ZNF451: variants seen among roughly 807,000 people sequenced by gnomAD.
ZNF451 encodes E3 SUMO-protein ligase ZNF451.
In ZNF451, 80 loss-of-function variants were observed where a neutral mutation model predicts 107.1. The observed-to-expected ratio is 0.75, with a 90% CI of 0.62 to 0.90. ZNF451 has a LOEUF of 0.90. Ranked by LOEUF, ZNF451 falls within the 40% of genes least tolerant of loss-of-function variation. ZNF451 has a pLI of 0.00. For synonymous variants in ZNF451, 362 were observed against 406.5 expected, an observed-to-expected ratio of 0.89 and a Z score of 1.32; for missense variants, 1,107 against 1,236.2, an observed-to-expected ratio of 0.90 and a Z score of 1.57.
rs142566861 is a variant in ZNF451, at chr6:57,099,481, A to G, written c.186+340A>G. The G allele has an allele frequency of 3.5e-3, 2,509 of 717,032 alleles. 62 individuals are homozygous for G. The Admixed American group carries it at 0.036, about 10-fold the overall frequency. 44.4% of individuals were successfully genotyped at this position (717,032 alleles called of 1,614,324 possible). A position where few individuals can be genotyped will look rare whatever the true frequency, so the allele number is the denominator to read the frequency against. On this transcript the variant is annotated intron_variant, in intron 3 of 14. Coordinates refer to ENST00000370706, the MANE Select transcript of ZNF451 (RefSeq NM_001031623.3). Reference sequence around the variant, plus strand: ...TTACTCTCCTCAGGTGCCCTATACAACAGGATTCTTTTGTTCCAGAACCAC... The same window carrying G: ...TTACTCTCCTCAGGTGCCCTATACAGCAGGATTCTTTTGTTCCAGAACCAC...
intron 3 of ZNF451, among the ~76,000 whole-genome samples, chr6:57,114,303 A>G (rs1830260940): frequency 6.6e-6 from 1 of 152,206 alleles, no homozygotes; most frequent in Non-Finnish European, 1.5e-5. Flanking sequence ...TTCAACTTTT[A>G]ATTTGACTAA....
intron 5 of ZNF451, among the ~76,000 whole-genome samples, chr6:57,129,467 A>G (rs1342003958): frequency 2.0e-5 from 3 of 152,180 alleles, no homozygotes; most frequent in African/African-American, 7.2e-5. Context: ...CTGAGCCTTT[A>G]AAGAGTTAGG....
chr6:57,108,677 T>G (rs1829981889), intron 3 of ZNF451: 2 of 985,312 alleles, frequency 2.0e-6, no homozygotes, highest in Admixed American at 6.1e-5. Context: ...TGGAACAGCT[T>G]CTATATATTC....
chr6:57,115,336 A>G (rs908371347), intron 3 of ZNF451: 1 of 152,206 alleles, frequency 6.6e-6, no homozygotes, highest in Non-Finnish European at 1.5e-5. Flanking sequence ...TAAGTTTAAC[A>G]TTATCATTTC....
intron 3 of ZNF451, chr6:57,101,566 A>G (rs1444280051): frequency 6.4e-7 from 1 of 1,550,828 alleles, no homozygotes; most frequent in African/African-American, 1.4e-5. Context: ...CGCTGCCTCC[A>G]TTGCAGCCCG....
chr6:57,100,661 G>C, intron 3 of ZNF451: 1 of 1,549,286 alleles, frequency 6.5e-7, no homozygotes, highest in African/African-American at 1.4e-5. Context: ...ATGTGCTCTA[G>C]CTGCAATGTT....
At chr6:57,148,781 CAG>C (rs1309721892) in intron 10 of ZNF451, 88 bp downstream of exon 10, 29 of 1,264,208 alleles carry the variant, frequency 2.3e-5, no homozygotes, top group African/African-American at 4.5e-5. Flanking sequence ...AAGCAAGAAA[CAG>C]GGTAACTTCT....
intron 3 of ZNF451, among the ~76,000 whole-genome samples, chr6:57,113,985 A>G (rs1274410697): frequency 1.3e-5 from 2 of 152,240 alleles, no homozygotes; most frequent in Non-Finnish European, 2.9e-5. Flanking sequence ...TTCCTAAACC[A>G]TACTACATTT....
chr6:57,093,578 G>A (rs1829151206), intron 2 of ZNF451, among the ~76,000 whole-genome samples: 2 of 152,340 alleles, frequency 1.3e-5, no homozygotes, highest in East Asian at 3.9e-4. Context: ...TAGGAGGTGA[G>A]AAGTATGTAA....
chr6:57,112,944 G>A (rs1830177560), intron 3 of ZNF451, among the ~76,000 whole-genome samples: 1 of 152,050 alleles, frequency 6.6e-6, no homozygotes. Flanking sequence ...AATGCTATGA[G>A]CTATTATAAA....
chr6:57,106,992 A>T, intron 3 of ZNF451: 4 of 929,438 alleles, frequency 4.3e-6, no homozygotes, highest in Non-Finnish European at 5.1e-6. Context: ...TGTTTTATTA[A>T]ATCTTCTCTT....
At chr6:57,111,093 G>A (rs1830084947) in intron 3 of ZNF451, among the ~76,000 whole-genome samples, 1 of 151,632 alleles carries the variant, frequency 6.6e-6, no homozygotes, top group African/African-American at 2.4e-5. Flanking sequence ...CTAATTTTTT[G>A]TATTTTTAGT....
intron 9 of ZNF451, among the ~76,000 whole-genome samples, chr6:57,144,225 A>G (rs1831936644): frequency 6.7e-6 from 1 of 149,928 alleles, no homozygotes; most frequent in East Asian, 2.0e-4. Context: ...ATGAATTATG[A>G]ATTATATCCT....
At chr6:57,102,313 T>C (rs904244800) in intron 3 of ZNF451, 3 of 1,242,626 alleles carry the variant, frequency 2.4e-6, no homozygotes, top group Non-Finnish European at 3.0e-6. Flanking sequence ...GGAGACTTTC[T>C]TGAAAGGGTT....
intron 13 of ZNF451, 140 bp downstream of exon 13, chr6:57,154,187 C>T: frequency 1.3e-6 from 1 of 783,498 alleles, no homozygotes; most frequent in Non-Finnish European, 2.0e-6. Flanking sequence ...TCTTACTTAT[C>T]TTTTTTAAAA....
chr6:57,148,532 A>C lies in ZNF451; in HGVS notation c.2447A>C (p.Gln816Pro). ...QHFHRKHCFLQKPSVAHFGSE... is the reference protein window; with the variant it reads ...QHFHRKHCFLPKPSVAHFGSE... ...TTCCATAGAAAACATTGCTTCTTAC[A>C]GAAACCCAGTGTGGCTCATTTTGGA... Residue 816 changes from glutamine to proline, a missense_variant, in exon 10 of 15, where the codon CAG becomes CCG. Gln to Pro is a moderately conservative substitution (Grantham distance 76, BLOSUM62 -1). Transcript: ENST00000370706. 6.2e-7 allele frequency: 1 copy of C among 1,614,184 alleles called. No homozygotes were observed. Among genetic ancestry groups the C allele is most frequent in the Non-Finnish European group, 8.5e-7 (1 of 1,180,000 alleles).
intron 4 of ZNF451, 72 bp from the exon 5 acceptor site, chr6:57,128,657 A>T: frequency 1.1e-6 from 1 of 938,880 alleles, no homozygotes; most frequent in Non-Finnish European, 1.7e-6. Context: ...TCTGATCACT[A>T]ATGTGTCAAA....
chr6:57,163,740 G>A (rs531973572), intron 14 of ZNF451, among the ~76,000 whole-genome samples: 27 of 152,012 alleles, frequency 1.8e-4, no homozygotes, highest in South Asian at 8.3e-4. Flanking sequence ...GTGAGCCACC[G>A]CGCCCGGCCT....
At chr6:57,095,373 C>T (rs1254542270) in intron 2 of ZNF451, among the ~76,000 whole-genome samples, 1 of 130,432 alleles carries the variant, frequency 7.7e-6, no homozygotes, top group Non-Finnish European at 1.6e-5. Context: ...CTCAGTCTTG[C>T]TTAGGCTGGA....
Sources: allele counts gnomAD v4.1 joint callset (sites outside exome capture counted in the v4.1 genomes callset), GRCh38; gene constraint gnomAD v4.1.1; transcripts MANE v1.5; gene names NCBI Gene and HGNC (gene_info 2026-07-23, HGNC 2026-07-21).